UBE2V2: variants seen among roughly 807,000 people sequenced by gnomAD.
UBE2V2 encodes the protein ubiquitin-conjugating enzyme E2 variant 2.
In UBE2V2, 9 loss-of-function variants were observed where a neutral mutation model predicts 17.2. The observed-to-expected ratio is 0.52, with a 90% CI of 0.32 to 0.91. The LOEUF (loss-of-function observed/expected upper bound fraction) is 0.91. Ranked by LOEUF, UBE2V2 falls within the 40% of genes least tolerant of loss-of-function variation. The pLI is 0.04. For missense variants in UBE2V2, 133 were observed against 182.6 expected (o/e 0.73, Z 1.56); for synonymous variants, 61 against 57.5 (o/e 1.06, Z -0.28).
At chr8:47,997,670 C>T in the UBE2V2 span, among the ~76,000 whole-genome samples, 5 of 152,026 alleles carry the variant, frequency 3.3e-5, no homozygotes, top group African/African-American at 9.7e-5. Flanking sequence ...GGGACGTGGA[C>T]ACAGACAATC....
chr8:48,050,191 G>C, intron 3 of UBE2V2: 1 of 328,430 alleles, frequency 3.0e-6, no homozygotes. Flanking sequence ...AAACCTTAAT[G>C]TACTTGCCTA....
chr8:48,004,507 C>G (rs1343257896), upstream of UBE2V2, among the ~76,000 whole-genome samples: 1 of 147,380 alleles, frequency 6.8e-6, no homozygotes, highest in South Asian at 2.2e-4. Context: ...TTTATTTCCT[C>G]TTCTGTTTTT....
intron 1 of UBE2V2, among the ~76,000 whole-genome samples, chr8:48,031,545 TCTC>T (rs1318263003): frequency 6.6e-6 from 1 of 152,152 alleles, no homozygotes; most frequent in African/African-American, 2.4e-5. Context: ...TGTAATGTAT[TCTC>T]CACACCACAG....
upstream of UBE2V2, among the ~76,000 whole-genome samples, chr8:48,005,123 A>G (rs2091175719): frequency 6.6e-6 from 1 of 150,562 alleles, no homozygotes; most frequent in African/African-American, 2.5e-5. Context: ...ACACCCATCA[A>G]CCTGTCATCT....
At chr8:48,017,895 G>T (rs2091281158) in intron 1 of UBE2V2, among the ~76,000 whole-genome samples, 1 of 149,042 alleles carries the variant, frequency 6.7e-6, no homozygotes, top group African/African-American at 2.5e-5. Context: ...CACCCAGGCT[G>T]GAGTGCAGTG....
At chr8:48,045,275 T>C (rs1453136550) in intron 2 of UBE2V2, among the ~76,000 whole-genome samples, 1 of 152,162 alleles carries the variant, frequency 6.6e-6, no homozygotes, top group African/African-American at 2.4e-5. Flanking sequence ...TTACATGACA[T>C]GGGAACATTC....
chr8:48,010,985 C>A (rs2091226586), intron 1 of UBE2V2, among the ~76,000 whole-genome samples: 1 of 151,442 alleles, frequency 6.6e-6, no homozygotes, highest in African/African-American at 2.4e-5. Flanking sequence ...CCCACCTTGG[C>A]CTCCCAAAGT....
chr8:48,036,809 T>C (rs1442399158), intron 1 of UBE2V2, among the ~76,000 whole-genome samples: 1 of 152,212 alleles, frequency 6.6e-6, no homozygotes, highest in Non-Finnish European at 1.5e-5. Flanking sequence ...TGATCTTTCA[T>C]TGTGTGCATA....
chr8:48,016,781 C>A (rs1373383482), intron 1 of UBE2V2, among the ~76,000 whole-genome samples: 2 of 128,478 alleles, frequency 1.6e-5, no homozygotes, highest in Admixed American at 1.6e-4. Flanking sequence ...CGTGCCCAGC[C>A]TTTTTTTTTT....
upstream of UBE2V2, among the ~76,000 whole-genome samples, chr8:48,005,249 A>C (rs1589844968): frequency 6.6e-6 from 1 of 151,700 alleles, no homozygotes; most frequent in Non-Finnish European, 1.5e-5. Context: ...ACTCCCACTT[A>C]TAAGTGAGAA....
At chr8:48,002,972 G>C in the UBE2V2 span, among the ~76,000 whole-genome samples, 5 of 152,132 alleles carry the variant, frequency 3.3e-5, no homozygotes, top group Admixed American at 2.6e-4. Context: ...AGCACTTTGG[G>C]AGGCCGAAGA....
rs112199832 is a variant in UBE2V2 at position 48,026,007 on chromosome 8, T to C, written c.17-17026T>C. Among the ~76,000 whole-genome samples the C allele has an allele frequency of 3.9e-4, 59 of 152,332 alleles. 1 individual carries two copies. The highest frequency in any genetic ancestry group is 1.4e-3 in the African/African-American group (57 of 41,590). On this transcript the variant is annotated intron_variant, in intron 1 of 3. Transcript: ENST00000523111. ...GTATCTCTGTATCAGAGGTAGAATT[T>C]ACAACCTGATGAGTTATCCTAAACA...
chr8:48,031,782 A>C (rs1162526885), intron 1 of UBE2V2, among the ~76,000 whole-genome samples: 1 of 152,056 alleles, frequency 6.6e-6, no homozygotes, highest in Non-Finnish European at 1.5e-5. Flanking sequence ...CAGCCTCCCG[A>C]GTAGAGGTGT....
chr8:48,002,242 C>T, the UBE2V2 span, among the ~76,000 whole-genome samples: 14 of 152,126 alleles, frequency 9.2e-5, no homozygotes, highest in Admixed American at 7.2e-4. Flanking sequence ...CAAACCACTG[C>T]AAATATTATT....
chr8:48,025,766 A>AT (rs1393668535), intron 1 of UBE2V2, among the ~76,000 whole-genome samples: 1 of 151,018 alleles, frequency 6.6e-6, no homozygotes, highest in African/African-American at 2.4e-5. Context: ...CGACCGGCTA[A>AT]TTTTTTTGTA....
intron 1 of UBE2V2, among the ~76,000 whole-genome samples, chr8:48,025,470 G>T (rs2091335701): frequency 6.7e-6 from 1 of 149,312 alleles, no homozygotes; most frequent in African/African-American, 2.5e-5. Flanking sequence ...AGAGAAAAGG[G>T]TTTCACCATA....
At position 48,048,264 on chromosome 8, in the gene UBE2V2, T is replaced by G. The variant is rs146888562; in HGVS notation, c.166-1589T>G. 6.8e-3 allele frequency among the ~76,000 whole-genome samples: 1,037 copies of G among 152,354 alleles called. 9 individuals carry two copies. The highest frequency in any genetic ancestry group is 0.024 in the South Asian group (118 of 4,830). On this transcript the variant is annotated intron_variant, in intron 2 of 3. Transcript: ENST00000523111. ...TGAGCAATTCAGTTGTGTTATCTCATGTAGTAGGAGTGTGTTTCTTTTTAT... is the reference window on the plus strand; with the variant it reads ...TGAGCAATTCAGTTGTGTTATCTCAGGTAGTAGGAGTGTGTTTCTTTTTAT...
At chr8:48,041,254 C>T (rs545877590) in intron 1 of UBE2V2, among the ~76,000 whole-genome samples, 3 of 151,472 alleles carry the variant, frequency 2.0e-5, no homozygotes, top group South Asian at 4.2e-4. Flanking sequence ...TCACTGCAGC[C>T]TCCGCCTCTG....
chr8:48,002,170 G>A, the UBE2V2 span, among the ~76,000 whole-genome samples: 9 of 152,038 alleles, frequency 5.9e-5, no homozygotes, highest in South Asian at 2.1e-4. Context: ...ATTAAAGGTC[G>A]TACCTCTTAA....
Sources: allele counts gnomAD v4.1 joint callset (sites outside exome capture counted in the v4.1 genomes callset), GRCh38; gene constraint gnomAD v4.1.1; transcripts MANE v1.5; gene names NCBI Gene and HGNC (gene_info 2026-07-23, HGNC 2026-07-21).